CXorf38: variants seen among roughly 807,000 people sequenced by gnomAD.
CXorf38 encodes the protein uncharacterized protein CXorf38.
Under a neutral mutation model 27.5 loss-of-function variants are expected in CXorf38, and 13 were observed. The ratio of observed to expected loss-of-function variants is 0.47; its 90% CI spans 0.31 to 0.75. The LOEUF (loss-of-function observed/expected upper bound fraction) is 0.75, where lower values mean the gene tolerates loss of function less well. CXorf38 is among the 30% of genes least tolerant of loss of function. The pLI is 0.05. For missense variants in CXorf38, 240 were observed against 253.2 expected (o/e 0.95, Z 0.35); for synonymous variants, 100 against 99.8 (o/e 1.00, Z -0.01).
In CXorf38 at chrX:40,630,711, G is replaced by C. The variant is rs1437965931; in HGVS notation, c.864C>G (p.Gly288=). The change falls in exon 6 of 7, where the codon GGC becomes GGG. Residue 288 remains glycine (G), a synonymous_variant. Transcript: ENST00000327877. ...FLRNNEDLRN[G]LTEDMQKLDS... Reference sequence around the variant, plus strand: ...CTAGCTTCTGCATATCTTCTGTAAGGCCATTTCTAAGATCCTCATTGTTTC... The same window carrying C: ...CTAGCTTCTGCATATCTTCTGTAAGCCCATTTCTAAGATCCTCATTGTTTC... The C allele has an allele frequency of 1.2e-5, 14 of 1,207,533 alleles. No individual in the cohort carries two copies. The Middle Eastern group carries it at 9.2e-4, about 79-fold the overall frequency.
chrX:40,647,327 C>T lies in CXorf38; in HGVS notation c.194G>A (p.Arg65Gln), dbSNP rs781697209. Residue 65 changes from arginine to glutamine, a missense_variant, in exon 1 of 7, where the codon CGG becomes CAG. Physicochemically the swap from Arg to Gln is conservative, Grantham distance 43 (BLOSUM62 1). Transcript: ENST00000327877. The stretch of plus-strand genomic sequence containing the variant: ...CACCTGGCGGGCGCGAGGGCTGCAC[C>T]GTGAGCCGCCGCGGCAGACGGCGCG... The part of the protein sequence containing the change: ...GPRAVCRGGS[R>Q]CSPRARQFQP... The T allele has an allele frequency of 1.4e-5, 15 of 1,101,405 alleles. No individual in the cohort carries two copies. In the African/African-American group the frequency reaches 2.5e-4, roughly 18 times the overall value. 90.8% of individuals were successfully genotyped at this position (1,101,405 alleles called of 1,213,427 possible).
At position 40,627,122 on chromosome X, in the gene CXorf38, C is replaced by G. The variant is rs1454847086; in HGVS notation, c.*3042G>C. ...AAAAAAACTGGGGAAAAGCAAACAA[C>G]TTTCCAGACCTCTACTATTCTAAAA... On this transcript the variant is annotated 3_prime_UTR_variant, in exon 7 of 7. Transcript: ENST00000327877. 9.4e-6 allele frequency: 1 copy of G among 106,101 alleles called. No homozygotes were observed. Among genetic ancestry groups the G allele is most frequent in the Admixed American group, 1.0e-4 (1 of 9,811 alleles). The allele number at this position is 106,101 out of a possible 1,213,427, so 8.7% of individuals were successfully genotyped here.
At chrX:40,640,984 T>A (rs1194998409) in intron 2 of CXorf38, among the ~76,000 whole-genome samples, 2 of 104,590 alleles carry the variant, frequency 1.9e-5, no homozygotes, top group African/African-American at 3.5e-5. Flanking sequence ...CTACAAAGGT[T>A]AACAAAGAAG....
chrX:40,636,842 G>C (rs2146575392), intron 4 of CXorf38, 130 bp from the exon 5 acceptor site: 1 of 781,833 alleles, frequency 1.3e-6, no homozygotes, highest in East Asian at 3.4e-5. Flanking sequence ...CCACAGAAAA[G>C]CTTCTCAGCC....
At chrX:40,643,758 C>A (rs1028487378) in intron 2 of CXorf38, among the ~76,000 whole-genome samples, 1 of 111,721 alleles carries the variant, frequency 9.0e-6, no homozygotes, top group Non-Finnish European at 1.9e-5. Context: ...GATCTGCCCA[C>A]CTTGGCCTCC....
chrX:40,643,655 T>C (rs1334578179), intron 2 of CXorf38, among the ~76,000 whole-genome samples: 6 of 111,063 alleles, frequency 5.4e-5, no homozygotes, highest in African/African-American at 1.6e-4. Context: ...ATTACAGGCA[T>C]GCGCCACCAT....
intron 1 of CXorf38, 33 bp downstream of exon 1, chrX:40,647,272 G>A: frequency 9.1e-7 from 1 of 1,102,335 alleles, no homozygotes; most frequent in Non-Finnish European, 1.2e-6. Flanking sequence ...GTGGGGTGGG[G>A]GCGGTGGTCA....
At position 40,647,347 on chromosome X, in the gene CXorf38, G is replaced by A. The variant is rs749518692; in HGVS notation, c.174C>T (p.Ala58=). The change falls in exon 1 of 7, where the codon GCC becomes GCT. Residue 58 remains alanine, a synonymous_variant. Coordinates refer to ENST00000327877, the MANE Select transcript of CXorf38 (RefSeq NM_144970.3). ...LAAAPGLGPR[A]VCRGGSRCSP... ...TGCACCGTGAGCCGCCGCGGCAGACGGCGCGGGGCCCCAGGCCGGGGGCTG... is the reference window on the plus strand; with the variant it reads ...TGCACCGTGAGCCGCCGCGGCAGACAGCGCGGGGCCCCAGGCCGGGGGCTG... 7 of 1,124,527 alleles carry A rather than the reference G, an allele frequency of 6.2e-6. No individual in the cohort carries two copies. The South Asian group carries it at 1.2e-4, about 20-fold the overall frequency. The allele number at this position is 1,124,527 out of a possible 1,213,427, so 92.7% of individuals were successfully genotyped here. A position where few individuals can be genotyped will look rare whatever the true frequency, so the allele number is the denominator to read the frequency against.
At chrX:40,647,251 G>T in intron 1 of CXorf38, 54 bp downstream of exon 1, 1 of 808,206 alleles carries the variant, frequency 1.2e-6, no homozygotes. Context: ...CAGGAACGGG[G>T]ATGAGGAGGG....
At chrX:40,642,454 C>T (rs1928366875) in intron 2 of CXorf38, among the ~76,000 whole-genome samples, 1 of 111,447 alleles carries the variant, frequency 9.0e-6, no homozygotes, top group Non-Finnish European at 1.9e-5. Flanking sequence ...AGAGGCCTGG[C>T]CCTGAGTCCT....
intron 5 of CXorf38, among the ~76,000 whole-genome samples, chrX:40,632,134 G>A (rs773614217): frequency 5.4e-5 from 6 of 111,725 alleles, no homozygotes; most frequent in Non-Finnish European, 1.1e-4. Flanking sequence ...GACCGTGCCC[G>A]GTGCCCTAGA....
rs1304728741 is a variant in CXorf38 at position 40,628,460 on chromosome X, G to T, written c.*1704C>A. The T allele has an allele frequency of 9.0e-6, 1 of 110,995 alleles. No homozygotes were observed. The highest frequency in any genetic ancestry group is 1.9e-5 in the Non-Finnish European group (1 of 53,032). The allele number at this position is 110,995 out of a possible 1,213,427, so 9.1% of individuals were successfully genotyped here. A position where few individuals can be genotyped will look rare whatever the true frequency, so the allele number is the denominator to read the frequency against. On this transcript the variant is annotated 3_prime_UTR_variant, in exon 7 of 7. Transcript: ENST00000327877. ...ACCCAGTTAAGTACCACTGGCCTTG[G>T]AAACAAGTAGATGCGGGGAAAGGCG...
intron 5 of CXorf38, 59 bp from the exon 6 acceptor site, chrX:40,630,832 C>G (rs1200414479): frequency 1.3e-5 from 14 of 1,102,025 alleles, no homozygotes; most frequent in African/African-American, 3.7e-5. Flanking sequence ...ATTTGTAATT[C>G]AAATGAAAAA....
At chrX:40,641,125 G>C (rs1005130260) in intron 2 of CXorf38, among the ~76,000 whole-genome samples, 8 of 110,512 alleles carry the variant, frequency 7.2e-5, no homozygotes, top group African/African-American at 2.6e-4. Context: ...GCTGAAATGG[G>C]AAGATCACTT....
rs1192141586 is a variant in CXorf38 at position 40,627,706 on chromosome X, A to C, written c.*2458T>G. On this transcript the variant is annotated 3_prime_UTR_variant, in exon 7 of 7. Transcript: ENST00000327877. ...TAAATAGAAAGATATGAACAGGTTG[A>C]TGCCTCTATATATGATGCTACATTG... The C allele has an allele frequency of 1.8e-5, 2 of 111,922 alleles. No homozygotes were observed. The highest frequency in any genetic ancestry group is 3.8e-5 in the Non-Finnish European group (2 of 53,217). The allele number at this position is 111,922 out of a possible 1,213,427, so 9.2% of individuals were successfully genotyped here. A position where few individuals can be genotyped will look rare whatever the true frequency, so the allele number is the denominator to read the frequency against.
chrX:40,642,134 T>C (rs1302431253), intron 2 of CXorf38, among the ~76,000 whole-genome samples: 2 of 110,886 alleles, frequency 1.8e-5, no homozygotes, highest in African/African-American at 6.6e-5. Context: ...GAAAAGAAGA[T>C]TCCAAAAGTA....
intron 2 of CXorf38, among the ~76,000 whole-genome samples, chrX:40,646,294 C>G (rs1569273513): frequency 9.3e-6 from 1 of 108,003 alleles, no homozygotes; most frequent in Non-Finnish European, 1.9e-5. Context: ...CAGTGTCACA[C>G]CACGGCAGCT....
At chrX:40,631,873 G>A (rs975595513) in intron 5 of CXorf38, among the ~76,000 whole-genome samples, 3 of 111,248 alleles carry the variant, frequency 2.7e-5, no homozygotes, top group Non-Finnish European at 5.7e-5. Context: ...CAGGACGCAC[G>A]GGGAGCGGGG....
intron 2 of CXorf38, among the ~76,000 whole-genome samples, chrX:40,641,699 A>G (rs1271426076): frequency 8.9e-6 from 1 of 112,155 alleles, no homozygotes; most frequent in Non-Finnish European, 1.9e-5. Flanking sequence ...TCCTTGCTAC[A>G]AGTTTATTTT....
Sources: allele counts gnomAD v4.1 joint callset (sites outside exome capture counted in the v4.1 genomes callset), GRCh38; gene constraint gnomAD v4.1.1; transcripts MANE v1.5; gene names NCBI Gene and HGNC (gene_info 2026-07-23, HGNC 2026-07-21).